Variants in MSH3 observed in about 807,000 individuals in gnomAD.
MSH3 encodes mutS homolog 3.
Under a neutral mutation model 123.3 loss-of-function variants are expected in MSH3, and 106 were observed. That is an observed-to-expected ratio of 0.86 (90% CI 0.73 to 1.01). MSH3 has a LOEUF of 1.01. Among genes scored for constraint, MSH3 ranks in the 50% least tolerant of loss-of-function variants. The probability of loss-of-function intolerance (pLI) is 0.00; values close to 1 mark genes in which losing one functional copy is unlikely to be tolerated. For synonymous variants in MSH3, 515 were observed against 481.4 expected, an observed-to-expected ratio of 1.07 and a Z score of -0.91; for missense variants, 1,459 against 1,347.6, an observed-to-expected ratio of 1.08 and a Z score of -1.29.
intron 21 of MSH3, among the ~76,000 whole-genome samples, chr5:80,862,396 G>A (rs1409588719): frequency 6.6e-6 from 1 of 152,148 alleles, no homozygotes; most frequent in Admixed American, 6.5e-5. Context: ...GGCTAAGATT[G>A]GTGTTAACTT....
chr5:80,766,339 CTTTTT>C (rs1166492002), intron 13 of MSH3, among the ~76,000 whole-genome samples: 2 of 78,212 alleles, frequency 2.6e-5, no homozygotes, highest in Non-Finnish European at 4.5e-5. Flanking sequence ...TGTTTTTTTC[CTTTTT>C]TTTTTTTTTT....
Position 80,813,639 on chromosome 5 carries a change from C to G in MSH3, c.2711C>G (p.Ser904Cys). Residue 904 changes from serine to cysteine, a missense_variant, in exon 20 of 24, where the codon TCC becomes TGC. Physicochemically the swap from Ser to Cys is moderately radical, Grantham distance 112. Transcript: ENST00000265081. ...ITGPNMGGKS[S>C]YIKQVALITI... ...GGACCAAACATGGGTGGAAAGAGCT[C>G]CTACATAAAACAAGTTGCATTGATT... The G allele has an allele frequency of 6.2e-7, 1 of 1,614,024 alleles. No individual in the cohort carries two copies. Among genetic ancestry groups the G allele is most frequent in the Middle Eastern group, 1.6e-4 (1 of 6,062 alleles).
intron 18 of MSH3, among the ~76,000 whole-genome samples, chr5:80,788,814 A>G (rs1054286171): frequency 2.0e-5 from 3 of 152,082 alleles, no homozygotes; most frequent in Non-Finnish European, 4.4e-5. Context: ...AAAAAAAAAA[A>G]AAAGAGAGAT....
intron 21 of MSH3, among the ~76,000 whole-genome samples, chr5:80,859,159 C>T (rs886683125): frequency 6.6e-6 from 1 of 152,046 alleles, no homozygotes; most frequent in Non-Finnish European, 1.5e-5. Flanking sequence ...CTCACTCTGT[C>T]ACCCAGGCTG....
chr5:80,822,725 C>G (rs1312286128), intron 20 of MSH3, among the ~76,000 whole-genome samples: 1 of 152,202 alleles, frequency 6.6e-6, no homozygotes, highest in East Asian at 1.9e-4. Context: ...AATTGAGAAT[C>G]CAGGAACCTA....
intron 19 of MSH3, among the ~76,000 whole-genome samples, chr5:80,798,144 T>G (rs1039274535): frequency 1.3e-5 from 2 of 152,016 alleles, no homozygotes; most frequent in South Asian, 4.2e-4. Flanking sequence ...ACAGGAAGAT[T>G]CCCAGGAAGC....
chr5:80,854,014 G>A lies in MSH3; in HGVS notation c.2814-116G>A. 8 of 850,482 alleles carry A rather than the reference G, an allele frequency of 9.4e-6. No homozygotes were observed. The South Asian group carries it at 1.3e-4, about 14-fold the overall frequency. The allele number at this position is 850,482 out of a possible 1,614,324, so 52.7% of individuals were successfully genotyped here. A position where few individuals can be genotyped will look rare whatever the true frequency, so the allele number is the denominator to read the frequency against. ...GTTTAATTTAATTTGAGCTATTATT[G>A]GCTCAAAATATATAGATTCTTAGTG... On this transcript the variant is annotated intron_variant, in intron 20 of 23. Coordinates refer to ENST00000265081, the MANE Select transcript of MSH3 (RefSeq NM_002439.5).
chr5:80,722,484 T>C (rs1322482608), intron 8 of MSH3, among the ~76,000 whole-genome samples: 1 of 152,176 alleles, frequency 6.6e-6, no homozygotes, highest in East Asian at 1.9e-4. Flanking sequence ...CTCTTTCCTA[T>C]CATCTACTAA....
At chr5:80,766,339 CTTTTTTTTTTTTT>C (rs1166492002) in intron 13 of MSH3, among the ~76,000 whole-genome samples, 4 of 78,222 alleles carry the variant, frequency 5.1e-5, no homozygotes, top group South Asian at 8.9e-4. Context: ...TGTTTTTTTC[CTTTTTTTTTTTTT>C]TTTTTTTTTT....
At position 80,873,252 on chromosome 5, in the gene MSH3, G is replaced by T. The variant is rs1580104462; in HGVS notation, c.3267G>T (p.Lys1089Asn). 1 of 1,613,952 alleles carries T rather than the reference G, an allele frequency of 6.2e-7. No individual in the cohort carries two copies. The highest frequency in any genetic ancestry group is 8.5e-7 in the Non-Finnish European group (1 of 1,179,930). Reference sequence around the variant, plus strand: ...AAATTTTGAAGAAAGCAGCTCACAAGTCAAAAGAGCTGGAAGGATTAATAA... The same window carrying T: ...AAATTTTGAAGAAAGCAGCTCACAATTCAAAAGAGCTGGAAGGATTAATAA... The part of the protein sequence containing the change: ...PGEILKKAAH[K>N]SKELEGLINT... The change falls in exon 23 of 24, where the codon AAG becomes AAT. Residue 1089 changes from lysine (K) to asparagine (N), a missense_variant. By Grantham distance (94) the Lys-to-Asn change is moderately conservative. Coordinates refer to ENST00000265081, the MANE Select transcript of MSH3 (RefSeq NM_002439.5).
At chr5:80,763,212 A>AC (rs1744072072) in intron 13 of MSH3, among the ~76,000 whole-genome samples, 1 of 151,860 alleles carries the variant, frequency 6.6e-6, no homozygotes, top group Admixed American at 6.6e-5. Flanking sequence ...ATCCCCTTTT[A>AC]CCCCCACAGA....
chr5:80,675,026 T>C lies in MSH3; in HGVS notation c.1071T>C (p.Asp357=), dbSNP rs780963280. ...AGCTGGATGATGCTGTAAATGTTGA[T>C]GAGATAATGACTGATACTTCTACCA... ...LIKLDDAVNV[D]EIMTDTSTSY... The change falls in exon 7 of 24, where the codon GAT becomes GAC. Residue 357 remains aspartate (D), a synonymous_variant. Coordinates refer to ENST00000265081, the MANE Select transcript of MSH3 (RefSeq NM_002439.5). The C allele has an allele frequency of 1.2e-6, 2 of 1,611,834 alleles. No homozygotes were observed. The highest frequency in any genetic ancestry group is 1.1e-5 in the South Asian group (1 of 90,994).
chr5:80,728,015 G>A (rs1242735542), intron 9 of MSH3, among the ~76,000 whole-genome samples: 1 of 152,132 alleles, frequency 6.6e-6, no homozygotes, highest in African/African-American at 2.4e-5. Context: ...CATGTTTAAG[G>A]AATAGCAAGT....
chr5:80,720,418 A>G (rs1249122099), intron 8 of MSH3, among the ~76,000 whole-genome samples: 1 of 151,974 alleles, frequency 6.6e-6, no homozygotes, highest in South Asian at 2.1e-4. Context: ...CTTTCTTTCA[A>G]TCTTTCAAAT....
At chr5:80,698,601 T>C (rs1750536616) in intron 8 of MSH3, among the ~76,000 whole-genome samples, 1 of 151,282 alleles carries the variant, frequency 6.6e-6, no homozygotes, top group Admixed American at 6.6e-5. Context: ...GCTGGGTTAC[T>C]CTGCCAGCAT....
intron 13 of MSH3, among the ~76,000 whole-genome samples, chr5:80,762,845 T>TTTATGTTATTTTATG (rs1386769971): frequency 7.7e-6 from 1 of 129,110 alleles, no homozygotes; most frequent in African/African-American, 3.4e-5. Context: ...TTTATGTTAT[T>TTTATGTTATTTTATG]TTATTTTATT....
chr5:80,773,866 C>G (rs1580040163), intron 15 of MSH3, among the ~76,000 whole-genome samples: 2 of 152,182 alleles, frequency 1.3e-5, no homozygotes, highest in African/African-American at 4.8e-5. Flanking sequence ...CTCCTGGATT[C>G]AAGTGATTCT....
intron 20 of MSH3, among the ~76,000 whole-genome samples, chr5:80,848,073 A>C (rs1321336516): frequency 2.6e-5 from 4 of 152,186 alleles, no homozygotes. Flanking sequence ...TCTACTAAAG[A>C]TACAAAAAAT....
At chr5:80,841,406 T>C (rs540007707) in intron 20 of MSH3, among the ~76,000 whole-genome samples, 1 of 152,356 alleles carries the variant, frequency 6.6e-6, no homozygotes, top group South Asian at 2.1e-4. Flanking sequence ...TTATAATCCT[T>C]TGGGTATATA....
Sources: allele counts gnomAD v4.1 joint callset (sites outside exome capture counted in the v4.1 genomes callset), GRCh38; gene constraint gnomAD v4.1.1; transcripts MANE v1.5; gene names NCBI Gene and HGNC (gene_info 2026-07-23, HGNC 2026-07-21).